The following BRWD1 variants were observed in gnomAD, a reference collection of about 807,000 sequenced individuals.
The protein encoded by BRWD1 is bromodomain and WD repeat-containing protein 1.
BRWD1 carries 82 observed loss-of-function variants against 251.2 expected under a neutral mutation model. The observed-to-expected ratio is 0.33, with a 90% CI of 0.27 to 0.39. The LOEUF is 0.39. BRWD1 is among the 10% of genes least tolerant of loss of function. The probability of loss-of-function intolerance (pLI) is 1.00; values close to 1 mark genes in which losing one functional copy is unlikely to be tolerated. For synonymous variants in BRWD1, 918 were observed against 902.8 expected (o/e 1.02, Z -0.30); for missense variants, 2,233 against 2,711.6 (o/e 0.82, Z 3.92).
At chr21:39,318,180 A>G (rs539419839), upstream of BRWD1, among the ~76,000 whole-genome samples, 2 of 152,320 alleles carry the variant, frequency 1.3e-5, no homozygotes, top group Admixed American at 6.5e-5. Flanking sequence ...ACCACTTAGG[A>G]AGCCCAACAA....
intron 8 of BRWD1, among the ~76,000 whole-genome samples, chr21:39,281,113 G>A (rs540804795): frequency 6.6e-6 from 1 of 152,312 alleles, no homozygotes; most frequent in Non-Finnish European, 1.5e-5. Flanking sequence ...TATGAACAAA[G>A]TGTTCATTTC....
intron 38 of BRWD1, 148 bp from the exon 39 acceptor site, chr21:39,200,534 T>C: frequency 4.8e-6 from 3 of 630,158 alleles, no homozygotes; most frequent in Non-Finnish European, 7.2e-6. Context: ...TTAAAAACCA[T>C]TCCCAAAAAA....
rs138124401 is a variant in BRWD1 at position 39,274,072 on chromosome 21, A to G, written c.1244+302T>C. Reference sequence around the variant, plus strand: ...CTCTTAACGTACTTGAGTTAATTTTATCTTTTTTACTTGTAGAAGCTTTTA... The same window carrying G: ...CTCTTAACGTACTTGAGTTAATTTTGTCTTTTTTACTTGTAGAAGCTTTTA... On this transcript the variant is annotated intron_variant, in intron 13 of 40. Transcript: ENST00000342449. Among the ~76,000 whole-genome samples, 1,128 of 152,282 alleles carry G rather than the reference A, an allele frequency of 7.4e-3. 8 individuals carry two copies. Among genetic ancestry groups the G allele is most frequent in the Middle Eastern group, 0.02 (6 of 294 alleles).
At chr21:39,279,657 G>GAAA (rs762764578) in intron 9 of BRWD1, among the ~76,000 whole-genome samples, 1 of 111,044 alleles carries the variant, frequency 9.0e-6, no homozygotes, top group African/African-American at 4.4e-5. Flanking sequence ...AAAAAAAAAA[G>GAAA]AAAAAAAAAA....
Position 39,262,513 on chromosome 21 carries a change from G to A in BRWD1, c.1885+1947C>T, listed in dbSNP as rs192615952. Among the ~76,000 whole-genome samples, 90 of 152,252 alleles carry A rather than the reference G, an allele frequency of 5.9e-4. 1 individual carries two copies. Among genetic ancestry groups the A allele is most frequent in the African/African-American group, 1.8e-3 (74 of 41,554 alleles). The stretch of plus-strand genomic sequence containing the variant: ...AGGCGGATCATGAGGTCAAGAGATC[G>A]AGACCATCCTGGCCAACATGGTGAA... On this transcript the variant is annotated intron_variant, in intron 17 of 40. Coordinates refer to ENST00000342449, the MANE Select transcript of BRWD1 (RefSeq NM_033656.4).
intron 32 of BRWD1, among the ~76,000 whole-genome samples, chr21:39,214,618 A>T (rs1422808345): frequency 6.6e-6 from 1 of 152,076 alleles, no homozygotes; most frequent in Non-Finnish European, 1.5e-5. Context: ...TGTCAATAGC[A>T]TGGTACCAAG....
At chr21:39,253,763 C>T (rs1031244004) in intron 19 of BRWD1, among the ~76,000 whole-genome samples, 34 of 152,306 alleles carry the variant, frequency 2.2e-4, no homozygotes, top group Non-Finnish European at 3.8e-4. Flanking sequence ...ACAAAATTAT[C>T]TTCAAGCTAT....
In BRWD1 at chr21:39,191,051, A is replaced by G; in HGVS notation, c.*5208T>C. The G allele has an allele frequency of 1.0e-6, 1 of 985,096 alleles. No homozygotes were observed. Among genetic ancestry groups the G allele is most frequent in the Non-Finnish European group, 1.2e-6 (1 of 829,660 alleles). The allele number at this position is 985,096 out of a possible 1,614,324, so 61.0% of individuals were successfully genotyped here. A position where few individuals can be genotyped will look rare whatever the true frequency, so the allele number is the denominator to read the frequency against. ...AAGCCTTATTTTGAAATATGAATTC[A>G]GGGACTTTATACTTAACTGCTTAAT... On this transcript the variant is annotated 3_prime_UTR_variant, in exon 41 of 41. Transcript: ENST00000342449.
chr21:39,190,298 T>C lies in BRWD1; in HGVS notation c.*5961A>G, dbSNP rs769697305. 9.1e-6 allele frequency: 9 copies of C among 984,916 alleles called. No individual in the cohort carries two copies. The highest frequency in any genetic ancestry group is 1.1e-5 in the Non-Finnish European group (9 of 829,594). 61.0% of individuals were successfully genotyped at this position (984,916 alleles called of 1,614,324 possible). A position where few individuals can be genotyped will look rare whatever the true frequency, so the allele number is the denominator to read the frequency against. On this transcript the variant is annotated 3_prime_UTR_variant, in exon 41 of 41. Coordinates refer to ENST00000342449, the MANE Select transcript of BRWD1 (RefSeq NM_033656.4). Reference sequence around the variant, plus strand: ...AATATTTCATCATACAAAACTGTTTTCCTAAATTCAAAGTAAACTGCATAT... The same window carrying C: ...AATATTTCATCATACAAAACTGTTTCCCTAAATTCAAAGTAAACTGCATAT...
intron 4 of BRWD1, among the ~76,000 whole-genome samples, chr21:39,306,072 CTTT>C (rs1294724280): frequency 2.9e-5 from 4 of 136,370 alleles, no homozygotes; most frequent in African/African-American, 2.7e-5. Context: ...CTTTAAGTAT[CTTT>C]TTTTTTTTTT....
At chr21:39,254,736 A>G (rs2034506351) in intron 19 of BRWD1, among the ~76,000 whole-genome samples, 1 of 152,256 alleles carries the variant, frequency 6.6e-6, no homozygotes, top group Non-Finnish European at 1.5e-5. Flanking sequence ...AGAGTTAAAA[A>G]TCATGATTAT....
chr21:39,188,607 T>C lies in BRWD1; in HGVS notation c.*7652A>G. 1.0e-6 allele frequency: 1 copy of C among 985,408 alleles called. No individual in the cohort carries two copies. Among genetic ancestry groups the C allele is most frequent in the Non-Finnish European group, 1.2e-6 (1 of 829,904 alleles). The allele number at this position is 985,408 out of a possible 1,614,324, so 61.0% of individuals were successfully genotyped here. A position where few individuals can be genotyped will look rare whatever the true frequency, so the allele number is the denominator to read the frequency against. On this transcript the variant is annotated 3_prime_UTR_variant, in exon 41 of 41. Coordinates refer to ENST00000342449, the MANE Select transcript of BRWD1 (RefSeq NM_033656.4). The stretch of plus-strand genomic sequence containing the variant: ...GCAGATGAGTACAGGTAAAAACTGC[T>C]TCTGTGGACTGACATGTTCATACAG...
In BRWD1 at chr21:39,206,307, A is replaced by T. The variant is rs774522289; in HGVS notation, c.4198-33T>A. The T allele has an allele frequency of 7.3e-5, 104 of 1,428,162 alleles. 2 individuals are homozygous for T. The East Asian group carries it at 1.8e-3, about 24-fold the overall frequency. The allele number at this position is 1,428,162 out of a possible 1,614,324, so 88.5% of individuals were successfully genotyped here. A position where few individuals can be genotyped will look rare whatever the true frequency, so the allele number is the denominator to read the frequency against. ...GATATAAAAACAAAGTAGAATTACAAAATAGCCTTAAAAGTACTTAAGAAA... is the reference window on the plus strand; with the variant it reads ...GATATAAAAACAAAGTAGAATTACATAATAGCCTTAAAAGTACTTAAGAAA... On this transcript the variant is annotated intron_variant, in intron 36 of 40. Coordinates refer to ENST00000342449, the MANE Select transcript of BRWD1 (RefSeq NM_033656.4).
chr21:39,230,835 T>C (rs1185132991), intron 25 of BRWD1, among the ~76,000 whole-genome samples: 1 of 151,342 alleles, frequency 6.6e-6, no homozygotes, highest in Admixed American at 6.6e-5. Context: ...GAGCAACACC[T>C]TGTTCAACCT....
intron 7 of BRWD1, 127 bp from the exon 8 acceptor site, chr21:39,294,159 T>G: frequency 1.4e-6 from 1 of 730,072 alleles, no homozygotes; most frequent in South Asian, 1.9e-5. Context: ...CTCTTATTTA[T>G]GTAATAAATT....
At chr21:39,244,847 C>T (rs1215735883) in intron 21 of BRWD1, among the ~76,000 whole-genome samples, 1 of 148,814 alleles carries the variant, frequency 6.7e-6, no homozygotes, top group Non-Finnish European at 1.5e-5. Context: ...CCCTTTATTC[C>T]AAACCATGAT....
chr21:39,297,406 A>G (rs2035989451), intron 5 of BRWD1: 1 of 985,262 alleles, frequency 1.0e-6, no homozygotes, highest in African/African-American at 1.7e-5. Context: ...AGCTTGCTGA[A>G]GACTCTTCTA....
At chr21:39,227,776 G>A (rs1422284494) in intron 27 of BRWD1, among the ~76,000 whole-genome samples, 1 of 152,086 alleles carries the variant, frequency 6.6e-6, no homozygotes, top group African/African-American at 2.4e-5. Context: ...CATTTTCAGT[G>A]TGAAATCTGA....
In BRWD1 at chr21:39,199,267, T is replaced by G; in HGVS notation, c.5149A>C (p.Asn1717His). ...TAQSNVDESE[N>H]RDSESESDLR... ...TCACTTTCTGACTCTGAGTCTCTGT[T>G]TTCAGATTCATCAACATTGCTCTGG... The change falls in exon 40 of 41, where the codon AAC (asparagine) becomes CAC (histidine). Residue 1717 changes from asparagine to histidine, a missense_variant. Transcript: ENST00000342449. 6.2e-7 allele frequency: 1 copy of G among 1,614,240 alleles called. No individual in the cohort carries two copies.
Sources: gnomAD v4.1 joint callset for allele counts (sites outside exome capture counted in the v4.1 genomes callset) on GRCh38, gnomAD v4.1.1 for gene constraint, MANE v1.5 for transcripts, NCBI Gene and HGNC (gene_info 2026-07-23, HGNC 2026-07-21) for gene names.